The following RIMKLB variants were observed in gnomAD, a reference collection of about 807,000 sequenced individuals.
The protein encoded by RIMKLB is beta-citrylglutamate synthase B.
In RIMKLB, 7 loss-of-function variants were observed where a neutral mutation model predicts 32.0. The ratio of observed to expected loss-of-function variants is 0.22; its 90% confidence interval spans 0.12 to 0.41. The LOEUF is 0.41. Among genes scored for constraint, RIMKLB ranks in the 10% least tolerant of loss-of-function variants. RIMKLB has a pLI of 1.00. For synonymous variants in RIMKLB, 172 were observed against 185.1 expected (o/e 0.93, Z 0.57); for missense variants, 289 against 498.7 (o/e 0.58, Z 4.00).
rs1338054808 is a variant in RIMKLB at position 8,777,025 on chromosome 12, A to C, written c.*3241A>C. 3.0e-6 allele frequency: 3 copies of C among 985,686 alleles called. No individual in the cohort carries two copies. Among genetic ancestry groups the C allele is most frequent in the Non-Finnish European group, 3.6e-6 (3 of 829,934 alleles). 61.1% of individuals were successfully genotyped at this position (985,686 alleles called of 1,614,324 possible). A position where few individuals can be genotyped will look rare whatever the true frequency, so the allele number is the denominator to read the frequency against. ...CTTTTTTTGAGAAGGTTTATGGGCT[A>C]TTTGGCTGGTGAGACACGATCCCCT... On this transcript the variant is annotated 3_prime_UTR_variant, in exon 6 of 6. Coordinates refer to ENST00000535829, the MANE Select transcript of RIMKLB (RefSeq NM_001297776.2).
exon 8 of RIMKLB, chr12:8,782,964 G>A (rs1325402147): frequency 6.6e-6 from 1 of 152,108 alleles, no homozygotes; most frequent in East Asian, 1.9e-4. Flanking sequence ...CAACAGAATG[G>A]ATGAAGATAG....
chr12:8,673,301 G>A, the RIMKLB span, among the ~76,000 whole-genome samples: 1 of 152,112 alleles, frequency 6.6e-6, no homozygotes, highest in African/African-American at 2.4e-5. Context: ...TTACTGACAA[G>A]TTTTCGTGAA....
chr12:8,779,087 T>C (rs925430887), downstream of RIMKLB: 7 of 152,206 alleles, frequency 4.6e-5, no homozygotes, highest in African/African-American at 1.4e-4. Context: ...TTGTGATGTA[T>C]ACTAAAAAAT....
In RIMKLB at chr12:8,775,037, G is replaced by A. The variant is rs1950651620; in HGVS notation, c.*1253G>A. ...ATAAGTAGACTCCACTGGGGTAGAG[G>A]TATTCACCTTAAAACATAGGGTGAG... On this transcript the variant is annotated 3_prime_UTR_variant, in exon 6 of 6. Coordinates refer to ENST00000535829, the MANE Select transcript of RIMKLB (RefSeq NM_001297776.2). 3.0e-6 allele frequency: 3 copies of A among 985,666 alleles called. No homozygotes were observed. Among genetic ancestry groups the A allele is most frequent in the African/African-American group, 3.5e-5 (2 of 57,218 alleles). 61.1% of individuals were successfully genotyped at this position (985,666 alleles called of 1,614,324 possible).
intron 2 of RIMKLB, among the ~76,000 whole-genome samples, chr12:8,719,974 G>A (rs1196408243): frequency 6.6e-6 from 1 of 152,158 alleles, no homozygotes; most frequent in Non-Finnish European, 1.5e-5. Context: ...TAGATCATGA[G>A]CTGTTTTCAT....
At chr12:8,728,005 T>G (rs932387702) in intron 2 of RIMKLB, among the ~76,000 whole-genome samples, 2 of 152,186 alleles carry the variant, frequency 1.3e-5, no homozygotes, top group Admixed American at 1.3e-4. Context: ...TAGGGCCAAC[T>G]TTTGGTATCC....
chr12:8,740,005 T>C (rs1947354673), intron 2 of RIMKLB, among the ~76,000 whole-genome samples: 1 of 151,970 alleles, frequency 6.6e-6, no homozygotes, highest in Non-Finnish European at 1.5e-5. Flanking sequence ...GCCTCTTGGG[T>C]TCAAGCAGTT....
exon 1 of RIMKLB, chr12:8,681,679 G>A (rs1156749502): frequency 1.3e-5 from 2 of 152,200 alleles, no homozygotes; most frequent in Non-Finnish European, 2.9e-5. Flanking sequence ...GTCTTGATGA[G>A]CTTCCGGGTT....
intron 2 of RIMKLB, among the ~76,000 whole-genome samples, chr12:8,727,238 A>G (rs1002266698): frequency 8.6e-5 from 13 of 151,306 alleles, no homozygotes; most frequent in East Asian, 3.9e-4. Flanking sequence ...TGTTGTTGTT[A>G]TTATTGTTGT....
intron 1 of RIMKLB, among the ~76,000 whole-genome samples, chr12:8,710,569 G>A (rs1484061894): frequency 6.6e-6 from 1 of 152,090 alleles, no homozygotes; most frequent in African/African-American, 2.4e-5. Context: ...GCCTTCCAAA[G>A]TTCTGGGATT....
intron 2 of RIMKLB, among the ~76,000 whole-genome samples, chr12:8,729,460 C>CT (rs907541316): frequency 1.3e-5 from 2 of 152,140 alleles, no homozygotes; most frequent in Non-Finnish European, 2.9e-5. Context: ...TCTCTGATAT[C>CT]TAACCATAGT....
Position 8,747,525 on chromosome 12 carries a change from C to A in RIMKLB, c.176-2337C>A, listed in dbSNP as rs1404861945. Among the ~76,000 whole-genome samples the A allele has an allele frequency of 3.3e-5, 5 of 152,086 alleles. No individual in the cohort carries two copies. The East Asian group carries it at 9.6e-4, about 29-fold the overall frequency. ...AATACCATAAAAATTAATATACTGT[C>A]TGTCTCCCACTAGAAAGCTTCTTGA... On this transcript the variant is annotated intron_variant, in intron 2 of 5. Transcript: ENST00000535829.
At chr12:8,737,764 C>T (rs1371921044) in intron 2 of RIMKLB, among the ~76,000 whole-genome samples, 2 of 152,120 alleles carry the variant, frequency 1.3e-5, no homozygotes, top group African/African-American at 4.8e-5. Flanking sequence ...GCCCAGGCTG[C>T]AGTGCAATGG....
At chr12:8,708,236 CAT>C (rs1238237487) in intron 1 of RIMKLB, among the ~76,000 whole-genome samples, 2 of 151,954 alleles carry the variant, frequency 1.3e-5, no homozygotes, top group Admixed American at 6.6e-5. Flanking sequence ...ATTTTGAGCT[CAT>C]ATGTTAATGG....
At chr12:8,696,775 A>T (rs1186909257), upstream of RIMKLB, among the ~76,000 whole-genome samples, 2 of 152,150 alleles carry the variant, frequency 1.3e-5, no homozygotes, top group Non-Finnish European at 2.9e-5. Context: ...CAGAAAATGA[A>T]ATTATATTGT....
chr12:8,743,999 T>A lies in RIMKLB; in HGVS notation c.176-5863T>A, dbSNP rs977466891. ...ACAAAGCACATTCAGTTGGAATACATGTTTTTACAATGAGAGTGGAATCGT... is the reference window on the plus strand; with the variant it reads ...ACAAAGCACATTCAGTTGGAATACAAGTTTTTACAATGAGAGTGGAATCGT... On this transcript the variant is annotated intron_variant, in intron 2 of 5. Transcript: ENST00000535829. Among the ~76,000 whole-genome samples, 4 of 151,986 alleles carry A rather than the reference T, an allele frequency of 2.6e-5. 1 individual carries two copies. The highest frequency in any genetic ancestry group is 9.7e-5 in the African/African-American group (4 of 41,242).
downstream of RIMKLB, chr12:8,780,675 C>G (rs1229945190): frequency 6.6e-6 from 1 of 152,094 alleles, no homozygotes. Context: ...GCATGACATA[C>G]CAAGTGAAGC....
chr12:8,767,630 C>G (rs1950077579), intron 5 of RIMKLB, among the ~76,000 whole-genome samples: 1 of 152,196 alleles, frequency 6.6e-6, no homozygotes, highest in East Asian at 1.9e-4. Context: ...AGACTTCTGT[C>G]TGCGCCATGA....
chr12:8,705,767 A>G (rs1943820123), intron 1 of RIMKLB, among the ~76,000 whole-genome samples: 1 of 152,216 alleles, frequency 6.6e-6, no homozygotes, highest in African/African-American at 2.4e-5. Context: ...GTAAACTCAG[A>G]CAGGACTTGA....
Sources: allele counts gnomAD v4.1 joint callset (sites outside exome capture counted in the v4.1 genomes callset), GRCh38; gene constraint gnomAD v4.1.1; transcripts MANE v1.5; gene names NCBI Gene and HGNC (gene_info 2026-07-23, HGNC 2026-07-21).